The following MAML2 variants were observed in gnomAD, a reference collection of about 807,000 sequenced individuals.
The protein encoded by MAML2 is mastermind-like protein 2.
MAML2 carries 22 observed loss-of-function variants against 96.1 expected under a neutral mutation model. The ratio of observed to expected loss-of-function variants is 0.23; its 90% CI spans 0.16 to 0.33. MAML2 has a LOEUF of 0.33. Ranked by LOEUF, MAML2 falls within the 10% of genes least tolerant of loss-of-function variation. MAML2 has a pLI of 1.00. For synonymous variants in MAML2, 561 were observed against 521.3 expected, an observed-to-expected ratio of 1.08 and a Z score of -1.04; for missense variants, 1,367 against 1,392.4, an observed-to-expected ratio of 0.98 and a Z score of 0.29.
At chr11:96,259,113 T>C (rs560085323) in intron 1 of MAML2, among the ~76,000 whole-genome samples, 7 of 152,214 alleles carry the variant, frequency 4.6e-5, no homozygotes, top group Non-Finnish European at 1.0e-4. Context: ...TATCTTGAAG[T>C]TCCTTCTTTA....
At chr11:96,095,569 C>T (rs758772331) in intron 1 of MAML2, among the ~76,000 whole-genome samples, 20 of 152,080 alleles carry the variant, frequency 1.3e-4, no homozygotes, top group Admixed American at 7.9e-4. Flanking sequence ...AGCTGTTGTT[C>T]CATTGTGTTA....
In MAML2 at chr11:96,203,510, G is replaced by GT. The variant is rs1396970902; in HGVS notation, c.514-109994dup. On this transcript the variant is annotated intron_variant, in intron 1 of 4. Transcript: ENST00000524717. ...ATTCATAATTAACAAATTTTATTTA[G>GT]TTTTTTTAGATATAAGTCAGCCGGC... Among the ~76,000 whole-genome samples, 8 of 152,260 alleles carry GT rather than the reference G, an allele frequency of 5.3e-5. No homozygotes were observed. The East Asian group carries it at 9.6e-4, about 18-fold the overall frequency.
At chr11:96,163,269 C>CA (rs1027793864) in intron 1 of MAML2, among the ~76,000 whole-genome samples, 17 of 151,744 alleles carry the variant, frequency 1.1e-4, no homozygotes, top group African/African-American at 2.7e-4. Context: ...CATTCCCTGT[C>CA]AAAAAAAAGC....
At chr11:96,151,779 C>T (rs952923490) in intron 1 of MAML2, among the ~76,000 whole-genome samples, 1 of 152,190 alleles carries the variant, frequency 6.6e-6, no homozygotes, top group Non-Finnish European at 1.5e-5. Flanking sequence ...TCCTGTAAAG[C>T]CTGCAGAACT....
chr11:95,994,604 A>G (rs1409529787), intron 2 of MAML2, among the ~76,000 whole-genome samples: 1 of 152,104 alleles, frequency 6.6e-6, no homozygotes, highest in African/African-American at 2.4e-5. Flanking sequence ...GGAAGCGTAA[A>G]GACAGCTGGA....
Position 95,977,137 on chromosome 11 carries a change from A to G in MAML2, c.*1811T>C. ...TTAAGTGTAGAGCTAAAAATAAACC[A>G]TCATATTATACAAAACTTTGCATAT... On this transcript the variant is annotated 3_prime_UTR_variant, in exon 5 of 5. Transcript: ENST00000524717. 5.2e-6 allele frequency: 1 copy of G among 193,268 alleles called. No individual in the cohort carries two copies. The highest frequency in any genetic ancestry group is 1.1e-5 in the Non-Finnish European group (1 of 92,548). The allele number at this position is 193,268 out of a possible 1,614,324, so 12.0% of individuals were successfully genotyped here. A position where few individuals can be genotyped will look rare whatever the true frequency, so the allele number is the denominator to read the frequency against.
intron 1 of MAML2, among the ~76,000 whole-genome samples, chr11:96,153,968 G>A (rs907427686): frequency 6.6e-6 from 1 of 151,524 alleles, no homozygotes; most frequent in African/African-American, 2.4e-5. Flanking sequence ...AACAAAAATA[G>A]TAACGATGTC....
At position 96,341,781 on chromosome 11, in the gene MAML2, G is replaced by T; in HGVS notation, c.115C>A (p.Arg39Ser). ...CAGACAGCGATCCGAGCCCGGAGGC[G>T]CTCCACGATAGCACTGTGCACTCTC... ...TPRVHSAIVE[R>S]LRARIAVCRQ... The change falls in exon 1 of 5, where the codon CGC (arginine) becomes AGC (serine). Residue 39 changes from arginine to serine, a missense_variant. Arg to Ser is a moderately radical substitution (Grantham distance 110, BLOSUM62 -1). Transcript: ENST00000524717. 1 of 1,610,664 alleles carries T rather than the reference G, an allele frequency of 6.2e-7. No individual in the cohort carries two copies. The highest frequency in any genetic ancestry group is 8.5e-7 in the Non-Finnish European group (1 of 1,179,266).
At chr11:96,015,894 G>A (rs1161168967) in intron 2 of MAML2, among the ~76,000 whole-genome samples, 6 of 151,956 alleles carry the variant, frequency 3.9e-5, no homozygotes, top group Admixed American at 3.9e-4. Flanking sequence ...AGTTAATGTG[G>A]TGACTATTAT....
chr11:96,023,616 G>A (rs1858470328), intron 2 of MAML2, among the ~76,000 whole-genome samples: 1 of 152,166 alleles, frequency 6.6e-6, no homozygotes, highest in African/African-American at 2.4e-5. Context: ...GTGGGATCTA[G>A]GAGGCTATGG....
intron 1 of MAML2, among the ~76,000 whole-genome samples, chr11:96,265,823 C>G (rs952638009): frequency 1.3e-5 from 2 of 152,174 alleles, no homozygotes; most frequent in Non-Finnish European, 2.9e-5. Flanking sequence ...TGGGGAAAAT[C>G]ATCTCCCTTA....
In MAML2 at chr11:96,206,454, G is replaced by A. The variant is rs572319471; in HGVS notation, c.514-112937C>T. Among the ~76,000 whole-genome samples, 4 of 152,190 alleles carry A rather than the reference G, an allele frequency of 2.6e-5. No homozygotes were observed. The East Asian group carries it at 7.7e-4, about 29-fold the overall frequency. ...CTACTAAAAATATAAAACAAAATTA[G>A]CCAGGCATGGTTGTGTACCTGTAAT... On this transcript the variant is annotated intron_variant, in intron 1 of 4. Coordinates refer to ENST00000524717, the MANE Select transcript of MAML2 (RefSeq NM_032427.4).
chr11:96,228,346 C>T (rs722147), intron 1 of MAML2, among the ~76,000 whole-genome samples: 21,661 of 152,044 alleles, frequency 0.14, 1,851 homozygotes, highest in African/African-American at 0.23. Flanking sequence ...ATTTATCTTG[C>T]TTTTCTCCTT....
In MAML2 at chr11:96,092,289, G is replaced by A. The variant is rs1266041579; in HGVS notation, c.1742C>T (p.Pro581Leu). ...CTGTTGGGTGTAGTGTAGGAGAGAA[G>A]GCTTGTTCTGGGAAGGCAAAACAGA... ...MPSVLPSQNK[P>L]SLLHYTQQQQ... The change falls in exon 2 of 5, where the codon CCT (proline) becomes CTT (leucine). Residue 581 changes from proline to leucine, a missense_variant. Transcript: ENST00000524717. The surrounding 1 kb of genome is among the most constrained non-coding windows in gnomAD (Gnocchi z 4.1). The A allele has an allele frequency of 1.7e-5, 26 of 1,565,092 alleles. No homozygotes were observed. The highest frequency in any genetic ancestry group is 2.4e-5 in the East Asian group (1 of 42,118).
intron 1 of MAML2, among the ~76,000 whole-genome samples, chr11:96,255,781 C>T (rs779763820): frequency 3.2e-4 from 49 of 151,826 alleles, no homozygotes; most frequent in Non-Finnish European, 6.6e-4. Flanking sequence ...CTGTGATGAC[C>T]TCATCATGCC....
chr11:96,286,666 T>C lies in MAML2; in HGVS notation c.513+54717A>G, dbSNP rs1271142831. Among the ~76,000 whole-genome samples the C allele has an allele frequency of 2.7e-5, 4 of 150,924 alleles. No individual in the cohort carries two copies. The East Asian group carries it at 7.8e-4, about 29-fold the overall frequency. ...TTTACAGATTTGTCACAAAGTAAGG[T>C]GCTAATTAATGTTTGTTGAATAAAT... On this transcript the variant is annotated intron_variant, in intron 1 of 4. Transcript: ENST00000524717.
intron 2 of MAML2, among the ~76,000 whole-genome samples, chr11:96,003,105 T>C (rs1432516130): frequency 1.5e-5 from 2 of 137,760 alleles, no homozygotes; most frequent in South Asian, 4.7e-4. Context: ...ATGAGGATGA[T>C]GGGGATGATG....
intron 1 of MAML2, among the ~76,000 whole-genome samples, chr11:96,246,201 T>A (rs1366704125): frequency 6.6e-6 from 1 of 152,080 alleles, no homozygotes; most frequent in African/African-American, 2.4e-5. Flanking sequence ...TAGGGACTCA[T>A]AAGAAAGTTT....
At chr11:96,104,684 T>C (rs1019216479) in intron 1 of MAML2, among the ~76,000 whole-genome samples, 1 of 152,144 alleles carries the variant, frequency 6.6e-6, no homozygotes, top group Non-Finnish European at 1.5e-5. Flanking sequence ...GAAGGCTGCC[T>C]ATATTGTAGT....
Sources: gnomAD v4.1 joint callset for allele counts (sites outside exome capture counted in the v4.1 genomes callset) on GRCh38, gnomAD v4.1.1 for gene constraint, Gnocchi (gnomAD v3.1) non-coding constraint, MANE v1.5 for transcripts, NCBI Gene and HGNC (gene_info 2026-07-23, HGNC 2026-07-21) for gene names.